TYK2: variants seen among roughly 807,000 people sequenced by gnomAD.
TYK2 encodes non-receptor tyrosine-protein kinase TYK2.
In TYK2, 65 loss-of-function variants were observed where a neutral mutation model predicts 130.9. The observed-to-expected ratio is 0.50, with a 90% CI of 0.41 to 0.61. TYK2 has a LOEUF of 0.61. Ranked by LOEUF, TYK2 falls within the 20% of genes least tolerant of loss-of-function variation. TYK2 has a pLI of 0.00. For synonymous variants in TYK2, 647 were observed against 658.9 expected (o/e 0.98, Z 0.28); for missense variants, 1,378 against 1,610.7 (o/e 0.86, Z 2.47).
chr19:10,361,012 C>T lies in TYK2; in HGVS notation c.2047+499G>A, dbSNP rs1319901397. ...TTAAGCGATCCTCCCACCTCTGCCT[C>T]CCAAAGTGCTGGGATAGGTGTGAGC... On this transcript the variant is annotated intron_variant, in intron 14 of 24. Coordinates refer to ENST00000525621, the MANE Select transcript of TYK2 (RefSeq NM_003331.5). The surrounding 1 kb of genome is among the most constrained non-coding windows in gnomAD (Gnocchi z 4.0). 1 of 388,548 alleles carries T rather than the reference C, an allele frequency of 2.6e-6. No homozygotes were observed. Among genetic ancestry groups the T allele is most frequent in the Non-Finnish European group, 5.2e-6 (1 of 193,614 alleles). The allele number at this position is 388,548 out of a possible 1,614,324, so 24.1% of individuals were successfully genotyped here.
At chr19:10,377,548 G>GA (rs1568346457) in intron 3 of TYK2, among the ~76,000 whole-genome samples, 3 of 74,366 alleles carry the variant, frequency 4.0e-5, no homozygotes, top group South Asian at 5.2e-4. Context: ...GGATGGATGG[G>GA]TGGGTGGGTG....
chr19:10,359,943 G>A (rs1382988162), intron 14 of TYK2, among the ~76,000 whole-genome samples: 2 of 151,788 alleles, frequency 1.3e-5, no homozygotes, highest in Non-Finnish European at 1.5e-5. Flanking sequence ...GGTGGGAGAC[G>A]GAGCTTGCAG....
rs772557126 is a variant in TYK2 at position 10,359,213 on chromosome 19, C to T, written c.2137G>A (p.Val713Met). The stretch of plus-strand genomic sequence containing the variant: ...GCGCTGGCCAGCTGCTGGGCCACCA[C>T]CATCTTCCAAGCCATGGGCACATGG... ...RGHVPMAWKMVVAQQLASALS... is the reference protein window; with the variant it reads ...RGHVPMAWKMMVAQQLASALS... The change falls in exon 15 of 25, where the codon GTG (valine) becomes ATG (methionine). Residue 713 changes from valine (V) to methionine (M), a missense_variant. Val to Met is a conservative substitution (Grantham distance 21). Coordinates refer to ENST00000525621, the MANE Select transcript of TYK2 (RefSeq NM_003331.5). The T allele has an allele frequency of 1.9e-6, 3 of 1,608,060 alleles. No homozygotes were observed. Among genetic ancestry groups the T allele is most frequent in the Non-Finnish European group, 2.5e-6 (3 of 1,179,926 alleles).
At chr19:10,366,858 A>G (rs1019374535) in intron 5 of TYK2, among the ~76,000 whole-genome samples, 2 of 152,092 alleles carry the variant, frequency 1.3e-5, no homozygotes, top group Non-Finnish European at 2.9e-5. Flanking sequence ...CAGCCTGACC[A>G]ACATGGAGAA....
At chr19:10,351,339 T>A in intron 23 of TYK2, 177 bp from the exon 24 acceptor site, 1 of 508,818 alleles carries the variant, frequency 2.0e-6, no homozygotes, top group South Asian at 1.9e-5. Context: ...ATACAAAAAT[T>A]AGCTGGGCAT....
chr19:10,377,814 G>T, intron 3 of TYK2, among the ~76,000 whole-genome samples: 1 of 68,576 alleles, frequency 1.5e-5, no homozygotes, highest in African/African-American at 6.6e-5. Context: ...GGATGAGTGG[G>T]TGGGTGGATG....
At position 10,356,682 on chromosome 19, in the gene TYK2, C is replaced by T. The variant is rs757987854; in HGVS notation, c.2503G>A (p.Glu835Lys). The T allele has an allele frequency of 1.4e-5, 22 of 1,610,688 alleles. No individual in the cohort carries two copies. In the East Asian group the frequency reaches 3.1e-4, roughly 23 times the overall value. ...GTGGCCAGCTGTGGGCAGGAGGGCT[C>T]GGGCAGCCGGTGCTGCCTCTGGTAG... is the stretch of plus-strand genomic sequence containing the variant. Reference protein sequence around the residue: ...HFYQRQHRLPEPSCPQLATLT... With the variant: ...HFYQRQHRLPKPSCPQLATLT... Residue 835 changes from glutamate (E) to lysine (K), a missense_variant, in exon 18 of 25, where the codon GAG (glutamate) becomes AAG (lysine). By Grantham distance (56) the Glu-to-Lys change is moderately conservative. Transcript: ENST00000525621.
In TYK2 at chr19:10,368,149, C is replaced by T. The variant is rs542503483; in HGVS notation, c.371G>A (p.Arg124His). ...TGCCTCGGTTCCTGGGGGCCCACAA[C>T]GGTACACAGCCGGTTCCCGAGGATT... is the stretch of plus-strand genomic sequence containing the variant. ...GMNPREPAVY[R>H]CGPPGTEASS... Residue 124 changes from arginine to histidine, a missense_variant, in exon 5 of 25, where the codon CGT becomes CAT. Transcript: ENST00000525621. The T allele has an allele frequency of 9.9e-6, 16 of 1,613,906 alleles. No individual in the cohort carries two copies. The highest frequency in any genetic ancestry group is 3.3e-4 in the Middle Eastern group (2 of 6,084).
intron 5 of TYK2, 94 bp downstream of exon 5, chr19:10,367,961 T>C: frequency 7.1e-7 from 1 of 1,403,956 alleles, no homozygotes; most frequent in East Asian, 2.3e-5. Flanking sequence ...AGTTGAAACC[T>C]ATTAGCTATA....
intron 7 of TYK2, 92 bp downstream of exon 7, chr19:10,365,425 C>G: frequency 6.3e-7 from 1 of 1,586,640 alleles, no homozygotes; most frequent in Middle Eastern, 1.7e-4. Context: ...GGGCTCAGGT[C>G]AGCCACCCTC....
At chr19:10,359,992 T>C (rs948938818) in intron 14 of TYK2, among the ~76,000 whole-genome samples, 11 of 145,592 alleles carry the variant, frequency 7.6e-5, no homozygotes, top group African/African-American at 1.8e-4. Context: ...GCCTGGGCGA[T>C]AGAGCAAGAC....
chr19:10,377,186 T>C (rs1008432878), intron 3 of TYK2, among the ~76,000 whole-genome samples: 1 of 152,184 alleles, frequency 6.6e-6, no homozygotes, highest in African/African-American at 2.4e-5. Context: ...ATTACAAGTG[T>C]CAGCTACTGC....
intron 15 of TYK2, among the ~76,000 whole-genome samples, 156 bp from the exon 16 acceptor site, chr19:10,358,294 G>GTTTTTTTTTTTTTTTTTTTTTT (rs770531180): frequency 5.5e-5 from 5 of 91,442 alleles, no homozygotes; most frequent in African/African-American, 2.2e-4. Flanking sequence ...TTTTTTTCTT[G>GTTTTTTTTTTTTTTTTTTTTTT]TTTTTTTTTT....
At position 10,357,489 on chromosome 19, in the gene TYK2, C is replaced by A. The variant is rs745963114; in HGVS notation, c.2466+275G>T. 4.5e-5 allele frequency: 32 copies of A among 704,878 alleles called. 1 individual carries two copies. The South Asian group carries it at 4.7e-4, about 10-fold the overall frequency. 43.7% of individuals were successfully genotyped at this position (704,878 alleles called of 1,614,324 possible). On this transcript the variant is annotated intron_variant, in intron 17 of 24. Transcript: ENST00000525621. The stretch of plus-strand genomic sequence containing the variant: ...TCAGCCCTTCTTCCCCACTCTGCAG[C>A]CTGGGCGTCTCCCATCGCTGCCCTG...
In TYK2 at chr19:10,352,439, G is replaced by C. The variant is rs764595468; in HGVS notation, c.3313C>G (p.Pro1105Ala). The C allele has an allele frequency of 6.2e-7, 1 of 1,607,566 alleles. No homozygotes were observed. Among genetic ancestry groups the C allele is most frequent in the Non-Finnish European group, 8.5e-7 (1 of 1,175,298 alleles). ...GCTGCGGGCCTGGCTCTCACCGTGG[G>C]GGGGCTCTGGCTGGAGTCACAGTGC... ...LTHCDSSQSPPTKFLELIGIA... is the reference protein window; with the variant it reads ...LTHCDSSQSPATKFLELIGIA... Residue 1105 changes from proline (P) to alanine (A), a missense_variant, in exon 23 of 25, where the codon CCC becomes GCC. Transcript: ENST00000525621.
chr19:10,353,998 A>C lies in TYK2; in HGVS notation c.2908+44T>G, dbSNP rs12720320. ...CCCACAAGGCCACACCCACGCTCTA[A>C]CCACGCCCCCTCAAGTCTCTAGGAC... On this transcript the variant is annotated intron_variant, in intron 20 of 24. Coordinates refer to ENST00000525621, the MANE Select transcript of TYK2 (RefSeq NM_003331.5). The surrounding 1 kb of genome is among the most constrained non-coding windows in gnomAD (Gnocchi z 6.9). 1 of 1,602,678 alleles carries C rather than the reference A, an allele frequency of 6.2e-7. No individual in the cohort carries two copies. The highest frequency in any genetic ancestry group is 8.5e-7 in the Non-Finnish European group (1 of 1,171,384).
Position 10,373,177 on chromosome 19 carries a change from C to T in TYK2, c.194-4759G>A, listed in dbSNP as rs566948570. On this transcript the variant is annotated intron_variant, in intron 3 of 24. Transcript: ENST00000525621. ...TCAGCCTCCTGAGTAGCTGGGATTA[C>T]AGGCGCCCGCCACCACGCCCGGCTA... 4.1e-3 allele frequency among the ~76,000 whole-genome samples: 619 copies of T among 151,304 alleles called. 4 individuals carry two copies. Among genetic ancestry groups the T allele is most frequent in the Non-Finnish European group, 7.2e-3 (491 of 67,870 alleles).
intron 14 of TYK2, among the ~76,000 whole-genome samples, 171 bp from the exon 15 acceptor site, chr19:10,359,473 G>C (rs1254969029): frequency 6.6e-6 from 1 of 152,164 alleles, no homozygotes; most frequent in Admixed American, 6.6e-5. Flanking sequence ...GAGAAGAAAT[G>C]CGGAATGCAG....
chr19:10,351,406 G>A (rs953146044), intron 23 of TYK2: 184 of 419,550 alleles, frequency 4.4e-4, no homozygotes, highest in African/African-American at 3.4e-3. Context: ...AGGATCGTCT[G>A]AACCTGGGAG....
Sources: allele counts gnomAD v4.1 joint callset (sites outside exome capture counted in the v4.1 genomes callset), GRCh38; gene constraint gnomAD v4.1.1; non-coding constraint Gnocchi (gnomAD v3.1); transcripts MANE v1.5; gene names NCBI Gene and HGNC (gene_info 2026-07-23, HGNC 2026-07-21).